The following EIPR1 variants were observed in gnomAD, a reference collection of about 807,000 sequenced individuals.
EIPR1 encodes the protein EARP complex and GARP complex interacting protein 1.
A neutral mutation model predicts 48.1 loss-of-function variants in EIPR1; 25 were observed. The observed-to-expected ratio is 0.52, with a 90% confidence interval of 0.38 to 0.73. The LOEUF (loss-of-function observed/expected upper bound fraction) is 0.73. Among genes scored for constraint, EIPR1 ranks in the 30% least tolerant of loss-of-function variants. The pLI is 0.00. For synonymous variants in EIPR1, 204 were observed against 201.9 expected, an observed-to-expected ratio of 1.01 and a Z score of -0.09; for missense variants, 415 against 506.2, an observed-to-expected ratio of 0.82 and a Z score of 1.73.
At chr2:3,320,204 A>G (rs1462161374) in intron 3 of EIPR1, 2 of 170,062 alleles carry the variant, frequency 1.2e-5, no homozygotes, top group East Asian at 4.1e-4. Flanking sequence ...GCAGGGCAAC[A>G]CCATACCTGG....
chr2:3,196,938 G>T lies in EIPR1; in HGVS notation c.596C>A (p.Thr199Asn), dbSNP rs373441940. ...GGTGTCGTTCGCTGTGGCCACCTGG[G>T]TGCAGTTATGATGTGGGCTCCACCG... ...SGRWSPHHNC[T>N]QVATANDTTL... Residue 199 changes from threonine (T) to asparagine (N), a missense_variant, in exon 6 of 9, where the codon ACC becomes AAC. Thr to Asn is a moderately conservative substitution (Grantham distance 65). Coordinates refer to ENST00000382125, the MANE Select transcript of EIPR1 (RefSeq NM_003310.5). 5.0e-6 allele frequency: 8 copies of T among 1,613,958 alleles called. No homozygotes were observed. The highest frequency in any genetic ancestry group is 2.2e-5 in the East Asian group (1 of 44,878).
chr2:3,209,122 C>G (rs1271275184), intron 5 of EIPR1, among the ~76,000 whole-genome samples: 3 of 152,192 alleles, frequency 2.0e-5, no homozygotes, highest in Non-Finnish European at 4.4e-5. Context: ...AAAGCCTGGA[C>G]ACTGCACATA....
At chr2:3,293,706 GC>G (rs1668440820) in intron 3 of EIPR1, among the ~76,000 whole-genome samples, 1 of 152,194 alleles carries the variant, frequency 6.6e-6, no homozygotes, top group Non-Finnish European at 1.5e-5. Flanking sequence ...GGCCACAGCA[GC>G]AGGTAAACTC....
intron 3 of EIPR1, among the ~76,000 whole-genome samples, chr2:3,324,698 A>G (rs1317121262): frequency 6.6e-6 from 1 of 152,230 alleles, no homozygotes. Flanking sequence ...AACTCTGGTC[A>G]GTGGGATGAT....
At chr2:3,283,559 C>G (rs920591123) in intron 3 of EIPR1, among the ~76,000 whole-genome samples, 1 of 152,234 alleles carries the variant, frequency 6.6e-6, no homozygotes, top group African/African-American at 2.4e-5. Flanking sequence ...CTGGCCAAAA[C>G]TCGCCATGCC....
Position 3,322,060 on chromosome 2 carries a change from A to C in EIPR1, c.259+15957T>G, listed in dbSNP as rs183638807. The stretch of plus-strand genomic sequence containing the variant: ...TCACTTCACGGGAAGATGTCCAAAG[A>C]CCTGGGCCCAGGGCATATTCCACTG... On this transcript the variant is annotated intron_variant, in intron 3 of 8. Coordinates refer to ENST00000382125, the MANE Select transcript of EIPR1 (RefSeq NM_003310.5). Among the ~76,000 whole-genome samples, 171 of 152,176 alleles carry C rather than the reference A, an allele frequency of 1.1e-3. 1 individual carries two copies. Among genetic ancestry groups the C allele is most frequent in the African/African-American group, 3.8e-3 (157 of 41,516 alleles).
At chr2:3,260,294 C>T (rs1294405091) in intron 3 of EIPR1, among the ~76,000 whole-genome samples, 1 of 152,108 alleles carries the variant, frequency 6.6e-6, no homozygotes, top group Non-Finnish European at 1.5e-5. Context: ...AGTTTGAGAG[C>T]AGCCTGGCCA....
chr2:3,275,854 C>G (rs760892528), intron 3 of EIPR1, among the ~76,000 whole-genome samples: 1 of 152,122 alleles, frequency 6.6e-6, no homozygotes, highest in Non-Finnish European at 1.5e-5. Flanking sequence ...ACTATACACT[C>G]AAGAAGATTA....
chr2:3,211,593 A>T (rs1665458501), intron 5 of EIPR1, among the ~76,000 whole-genome samples: 1 of 152,168 alleles, frequency 6.6e-6, no homozygotes, highest in Non-Finnish European at 1.5e-5. Flanking sequence ...GTACATTTTA[A>T]ACCTCTGATT....
At chr2:3,354,494 T>C in intron 2 of EIPR1, 56 bp downstream of exon 2, 1 of 1,517,428 alleles carries the variant, frequency 6.6e-7, no homozygotes, top group East Asian at 2.3e-5. Context: ...AAAATGGTTA[T>C]AAAACTAAGA....
At chr2:3,241,196 A>C (rs1572344231) in intron 4 of EIPR1, among the ~76,000 whole-genome samples, 1 of 152,264 alleles carries the variant, frequency 6.6e-6, no homozygotes, top group Non-Finnish European at 1.5e-5. Context: ...CTCCTAAAGC[A>C]AAGCCAGCTG....
chr2:3,283,997 C>T (rs1358282577), intron 3 of EIPR1, among the ~76,000 whole-genome samples: 8 of 151,646 alleles, frequency 5.3e-5, no homozygotes, highest in Admixed American at 4.6e-4. Flanking sequence ...GGGAAAACAA[C>T]CACCTGAGGA....
chr2:3,289,825 GAC>G (rs1485646596), intron 3 of EIPR1, among the ~76,000 whole-genome samples: 1 of 152,216 alleles, frequency 6.6e-6, no homozygotes, highest in Non-Finnish European at 1.5e-5. Flanking sequence ...CGTCTCAACA[GAC>G]AGCATCAGTG....
At chr2:3,212,544 G>A (rs1665492656) in intron 5 of EIPR1, among the ~76,000 whole-genome samples, 1 of 152,174 alleles carries the variant, frequency 6.6e-6, no homozygotes, top group South Asian at 2.1e-4. Context: ...TAATAGGAAA[G>A]TATTTTCCTC....
At chr2:3,290,242 C>T (rs1668324936) in intron 3 of EIPR1, among the ~76,000 whole-genome samples, 1 of 152,074 alleles carries the variant, frequency 6.6e-6, no homozygotes, top group Admixed American at 6.5e-5. Context: ...AGAATGCTGC[C>T]GGGAGCAGAA....
At chr2:3,369,743 T>G (rs910643520) in intron 1 of EIPR1, among the ~76,000 whole-genome samples, 3 of 152,226 alleles carry the variant, frequency 2.0e-5, no homozygotes, top group Admixed American at 6.5e-5. Flanking sequence ...AAGCTCGAAC[T>G]GGGTGGAGCG....
chr2:3,285,960 G>A (rs116321084), intron 3 of EIPR1, among the ~76,000 whole-genome samples: 81 of 152,052 alleles, frequency 5.3e-4, no homozygotes, highest in African/African-American at 1.8e-3. Context: ...AGAAGTCACC[G>A]ATGTCTCCGG....
chr2:3,306,780 G>T lies in EIPR1; in HGVS notation c.259+31237C>A, dbSNP rs976709739. On this transcript the variant is annotated intron_variant, in intron 3 of 8. Coordinates refer to ENST00000382125, the MANE Select transcript of EIPR1 (RefSeq NM_003310.5). ...AGGAAGAGGAGGTGTTGGTCTTGCT[G>T]CCTCAGGGGCAGCAGAGGCAGAAGA... 6.6e-5 allele frequency among the ~76,000 whole-genome samples: 10 copies of T among 152,256 alleles called. No homozygotes were observed. In the East Asian group the frequency reaches 1.9e-3, roughly 29 times the overall value.
intron 3 of EIPR1, among the ~76,000 whole-genome samples, chr2:3,271,869 A>C (rs1667710444): frequency 6.6e-6 from 1 of 152,224 alleles, no homozygotes. Flanking sequence ...TTTGCTATGA[A>C]AGTCCTAGAT....
Sources: allele counts gnomAD v4.1 joint callset (sites outside exome capture counted in the v4.1 genomes callset), GRCh38; gene constraint gnomAD v4.1.1; transcripts MANE v1.5; gene names NCBI Gene and HGNC (gene_info 2026-07-23, HGNC 2026-07-21).